SMAD6: variants seen among roughly 807,000 people sequenced by gnomAD.
SMAD6 encodes MAD homolog 6.
SMAD6 carries 103 observed loss-of-function variants against 39.4 expected under a neutral mutation model. That is an observed-to-expected ratio of 2.62 (90% CI 2.23 to 3.08). SMAD6 has a LOEUF of 3.08. Ranked by LOEUF, SMAD6 falls within the 30% of genes most tolerant of loss-of-function variation. SMAD6 has a pLI of 0.00. For synonymous variants in SMAD6, 445 were observed against 353.3 expected (o/e 1.26, Z -2.91); for missense variants, 1,104 against 742.9 (o/e 1.49, Z -5.65).
chr15:66,703,487 G>T lies in SMAD6; in HGVS notation c.229G>T (p.Ala77Ser). The change falls in exon 1 of 4, where the codon GCC becomes TCC. Residue 77 changes from alanine (A) to serine (S), a missense_variant. Coordinates refer to ENST00000288840, the MANE Select transcript of SMAD6 (RefSeq NM_005585.5). Reference protein sequence around the residue: ...RPRDAVGQRGAQGAGRRRRAG... With the variant: ...RPRDAVGQRGSQGAGRRRRAG... ...CCGGGACGCAGTGGGACAGCGAGGC[G>T]CCCAGGGCGCGGGGAGGCGCCGGCG... is the stretch of plus-strand genomic sequence containing the variant. The T allele has an allele frequency of 8.1e-7, 1 of 1,234,272 alleles. No individual in the cohort carries two copies. The highest frequency in any genetic ancestry group is 1.0e-6 in the Non-Finnish European group (1 of 984,834). 76.5% of individuals were successfully genotyped at this position (1,234,272 alleles called of 1,614,324 possible).
intron 3 of SMAD6, among the ~76,000 whole-genome samples, chr15:66,753,410 C>G (rs193138687): frequency 5.3e-5 from 8 of 152,226 alleles, no homozygotes; most frequent in African/African-American, 1.9e-4. Flanking sequence ...CCTCCTTGTT[C>G]CTGTAACGCT....
intron 3 of SMAD6, among the ~76,000 whole-genome samples, chr15:66,765,765 G>A (rs183731392): frequency 1.3e-5 from 2 of 152,294 alleles, no homozygotes; most frequent in African/African-American, 4.8e-5. Context: ...TGGGAAAAGC[G>A]ACTTCTGGGT....
chr15:66,777,064 C>T (rs942804364), intron 3 of SMAD6, among the ~76,000 whole-genome samples: 1 of 151,960 alleles, frequency 6.6e-6, no homozygotes, highest in African/African-American at 2.4e-5. Flanking sequence ...AAGCAGTGGT[C>T]GCCCTGTGTC....
At chr15:66,762,033 G>A (rs766619685) in intron 3 of SMAD6, among the ~76,000 whole-genome samples, 1 of 152,218 alleles carries the variant, frequency 6.6e-6, no homozygotes, top group Non-Finnish European at 1.5e-5. Flanking sequence ...CTTAGCCCTA[G>A]GCGACTGCTC....
intron 3 of SMAD6, among the ~76,000 whole-genome samples, chr15:66,758,239 A>G (rs549294374): frequency 6.6e-5 from 10 of 152,358 alleles, no homozygotes; most frequent in African/African-American, 1.9e-4. Flanking sequence ...TTCTCTCTAT[A>G]TAGAATTTAA....
intron 3 of SMAD6, among the ~76,000 whole-genome samples, chr15:66,754,823 A>G (rs1464916016): frequency 6.6e-6 from 1 of 152,166 alleles, no homozygotes; most frequent in Non-Finnish European, 1.5e-5. Context: ...AAAGGACAGA[A>G]TGAGGCTTTG....
rs1893925648 is a variant in SMAD6 at position 66,747,370 on chromosome 15, C to T, written c.952+30872C>T. 6.6e-6 allele frequency among the ~76,000 whole-genome samples: 1 copy of T among 152,254 alleles called. No individual in the cohort carries two copies. Among genetic ancestry groups the T allele is most frequent in the South Asian group, 2.1e-4 (1 of 4,836 alleles). ...GGAGCCTGGCTTTGATTTGGACTGC[C>T]TCCGTCAGCAGGAGGCTCTGGCCAG... On this transcript the variant is annotated intron_variant, in intron 3 of 3. Coordinates refer to ENST00000288840, the MANE Select transcript of SMAD6 (RefSeq NM_005585.5). The surrounding 1 kb of genome is among the most constrained non-coding windows in gnomAD (Gnocchi z 4.5).
chr15:66,707,913 A>T (rs1198987478), intron 1 of SMAD6: 2 of 152,304 alleles, frequency 1.3e-5, no homozygotes, highest in African/African-American at 4.8e-5. Flanking sequence ...AAACTTTGCC[A>T]GGCACTGGGA....
chr15:66,739,461 G>A (rs565720387), intron 3 of SMAD6, among the ~76,000 whole-genome samples: 20 of 152,322 alleles, frequency 1.3e-4, no homozygotes, highest in African/African-American at 2.9e-4. Context: ...CAGGCAGGCC[G>A]TCAAGAGCCA....
chr15:66,731,161 G>A (rs1221772073), intron 3 of SMAD6, among the ~76,000 whole-genome samples: 6 of 151,910 alleles, frequency 3.9e-5, no homozygotes, highest in South Asian at 4.2e-4. Flanking sequence ...TGGTGAGGCC[G>A]GGCGCGGTGG....
chr15:66,777,980 T>C (rs775862982), intron 3 of SMAD6, among the ~76,000 whole-genome samples: 1 of 151,928 alleles, frequency 6.6e-6, no homozygotes, highest in Non-Finnish European at 1.5e-5. Flanking sequence ...TGGGTTTTGA[T>C]TGGGGGGATG....
At chr15:66,761,259 C>T (rs1001742539) in intron 3 of SMAD6, among the ~76,000 whole-genome samples, 11 of 152,168 alleles carry the variant, frequency 7.2e-5, no homozygotes, top group African/African-American at 2.4e-4. Flanking sequence ...TCTCTAGCAG[C>T]CCCGTACAAT....
At chr15:66,716,883 C>T (rs780867217) in intron 3 of SMAD6, 3 of 844,332 alleles carry the variant, frequency 3.6e-6, no homozygotes, top group African/African-American at 1.7e-5. Context: ...GTCCTCACTC[C>T]AGGGGAGGGA....
intron 1 of SMAD6, among the ~76,000 whole-genome samples, chr15:66,709,303 C>T (rs763599096): frequency 2.0e-5 from 3 of 152,234 alleles, no homozygotes; most frequent in Non-Finnish European, 4.4e-5. Context: ...CACTAGCTGG[C>T]ATGTCTCATG....
chr15:66,719,009 T>C (rs1893383684), intron 3 of SMAD6, among the ~76,000 whole-genome samples: 1 of 152,178 alleles, frequency 6.6e-6, no homozygotes, highest in African/African-American at 2.4e-5. Context: ...TGACAGCAGT[T>C]GACATTTATC....
intron 1 of SMAD6, chr15:66,708,188 A>T (rs1332823703): frequency 6.6e-6 from 1 of 152,370 alleles, no homozygotes; most frequent in African/African-American, 2.4e-5. Flanking sequence ...CTTCTTTCAG[A>T]GGGGCCTGCG....
In SMAD6 at chr15:66,703,603, G is replaced by T; in HGVS notation, c.345G>T (p.Trp115Cys). Residue 115 changes from tryptophan (W) to cysteine (C), a missense_variant, in exon 1 of 4, where the codon TGG becomes TGT. Transcript: ENST00000288840. ...TGGCGGAGCCGGGAGGCCCGGGCTG[G>T]CTGCCCGAGAGTGACTGCGAGACGG... ...LDVAEPGGPG[W>C]LPESDCETVT... The T allele has an allele frequency of 8.1e-7, 1 of 1,227,824 alleles. No individual in the cohort carries two copies. The allele number at this position is 1,227,824 out of a possible 1,614,324, so 76.1% of individuals were successfully genotyped here. A position where few individuals can be genotyped will look rare whatever the true frequency, so the allele number is the denominator to read the frequency against.
chr15:66,781,049 G>T lies in SMAD6; in HGVS notation c.1005G>T (p.Ala335=). ...ATKPSHWCSV[A]YWEHRTRVGR... is the part of the protein sequence containing the mutation. ...AGCCGAGCCACTGGTGCAGCGTGGC[G>T]TACTGGGAGCACCGGACGCGCGTGG... Residue 335 remains alanine (A), a synonymous_variant, in exon 4 of 4, where the codon GCG becomes GCT. Coordinates refer to ENST00000288840, the MANE Select transcript of SMAD6 (RefSeq NM_005585.5). 1 of 1,602,190 alleles carries T rather than the reference G, an allele frequency of 6.2e-7. No individual in the cohort carries two copies. Among genetic ancestry groups the T allele is most frequent in the Non-Finnish European group, 8.5e-7 (1 of 1,178,242 alleles).
chr15:66,713,141 G>C (rs959189328), intron 2 of SMAD6, among the ~76,000 whole-genome samples: 1 of 152,218 alleles, frequency 6.6e-6, no homozygotes, highest in Non-Finnish European at 1.5e-5. Context: ...GGCCCTGACA[G>C]TACCAGGAGA....
Sources: gnomAD v4.1 joint callset for allele counts (sites outside exome capture counted in the v4.1 genomes callset) on GRCh38, gnomAD v4.1.1 for gene constraint, Gnocchi (gnomAD v3.1) non-coding constraint, MANE v1.5 for transcripts, NCBI Gene and HGNC (gene_info 2026-07-23, HGNC 2026-07-21) for gene names.